Variants in SGCD observed in about 807,000 individuals in gnomAD.
SGCD encodes sarcoglycan delta.
In SGCD, 18 loss-of-function variants were observed where a neutral mutation model predicts 36.6. That is an observed-to-expected ratio of 0.49 (90% CI 0.34 to 0.73). The LOEUF (loss-of-function observed/expected upper bound fraction) is 0.73, where lower values mean the gene tolerates loss of function less well. Among genes scored for constraint, SGCD ranks in the 30% least tolerant of loss-of-function variants. The pLI is 0.01. For synonymous variants in SGCD, 133 were observed against 130.6 expected (o/e 1.02, Z -0.12); for missense variants, 387 against 346.7 (o/e 1.12, Z -0.92).
chr5:155,753,249 A>G, the SGCD span, among the ~76,000 whole-genome samples: 1 of 151,918 alleles, frequency 6.6e-6, no homozygotes, highest in African/African-American at 2.4e-5. Context: ...AGGCAGGAGA[A>G]TCACTTGAAC....
rs190666808 is a variant in SGCD, at chr5:156,610,843, G to T, written c.502+15792G>T. The stretch of plus-strand genomic sequence containing the variant: ...TGTGGGCGTAGGACCCTCCAGGCCA[G>T]GCGCAGGATATAATCTCCTGGTGTG... On this transcript the variant is annotated intron_variant, in intron 6 of 8. Coordinates refer to ENST00000337851, the MANE Select transcript of SGCD (RefSeq NM_000337.6). Among the ~76,000 whole-genome samples, 451 of 152,374 alleles carry T rather than the reference G, an allele frequency of 3.0e-3. 3 individuals are homozygous for T. Among genetic ancestry groups the T allele is most frequent in the African/African-American group, 9.7e-3 (404 of 41,586 alleles).
At chr5:155,972,656 C>A (rs1286849033) in intron 1 of SGCD, among the ~76,000 whole-genome samples, 1 of 152,124 alleles carries the variant, frequency 6.6e-6, no homozygotes, top group Non-Finnish European at 1.5e-5. Flanking sequence ...CAATTAAAAT[C>A]TTACAAAAAT....
chr5:155,733,468 G>C, the SGCD span, among the ~76,000 whole-genome samples: 2 of 151,970 alleles, frequency 1.3e-5, no homozygotes, highest in African/African-American at 2.4e-5. Flanking sequence ...TGAATATTTT[G>C]CTTTTAACCC....
rs774197410 is a variant in SGCD, at chr5:156,765,874, A to G, written c.*6484A>G. The stretch of plus-strand genomic sequence containing the variant: ...GATCTTCCTTGGTAGATGAAGCTAT[A>G]GAACTTCTATTTTCCCTGCTTTCTG... On this transcript the variant is annotated 3_prime_UTR_variant, in exon 9 of 9. Coordinates refer to ENST00000337851, the MANE Select transcript of SGCD (RefSeq NM_000337.6). 6.6e-6 allele frequency: 1 copy of G among 152,222 alleles called. No homozygotes were observed. The highest frequency in any genetic ancestry group is 2.4e-5 in the African/African-American group (1 of 41,456). 9.4% of individuals were successfully genotyped at this position (152,222 alleles called of 1,614,324 possible).
At chr5:156,443,135 C>G (rs766264710) in intron 3 of SGCD, among the ~76,000 whole-genome samples, 1 of 152,050 alleles carries the variant, frequency 6.6e-6, no homozygotes, top group Non-Finnish European at 1.5e-5. Flanking sequence ...GAGGCACGCA[C>G]CATCATGCCC....
intron 3 of SGCD, among the ~76,000 whole-genome samples, chr5:156,478,182 A>G (rs1261751079): frequency 6.6e-6 from 1 of 152,042 alleles, no homozygotes; most frequent in Non-Finnish European, 1.5e-5. Context: ...AAATTTCTTT[A>G]TTTTCATTAC....
At chr5:155,836,265 G>A in the SGCD span, among the ~76,000 whole-genome samples, 6 of 152,244 alleles carry the variant, frequency 3.9e-5, no homozygotes, top group East Asian at 1.2e-3. Flanking sequence ...TTCCAGATGT[G>A]GAGCCCTCCC....
At chr5:155,937,099 C>G (rs984466609) in intron 1 of SGCD, among the ~76,000 whole-genome samples, 5 of 152,160 alleles carry the variant, frequency 3.3e-5, no homozygotes, top group Admixed American at 2.0e-4. Flanking sequence ...GCAGAGATAC[C>G]CAGGTCTGCA....
At chr5:156,244,959 C>T (rs1470625503) in intron 3 of SGCD, among the ~76,000 whole-genome samples, 2 of 152,138 alleles carry the variant, frequency 1.3e-5, no homozygotes, top group East Asian at 1.9e-4. Flanking sequence ...CATTGGTAAA[C>T]ATTTTCAGTG....
intron 3 of SGCD, among the ~76,000 whole-genome samples, chr5:156,420,749 CA>C (rs1234701716): frequency 6.6e-5 from 10 of 152,242 alleles, no homozygotes; most frequent in African/African-American, 2.4e-4. Flanking sequence ...CTGCAAGCTA[CA>C]GCTACTATTC....
At chr5:156,187,486 G>T (rs568525979) in intron 3 of SGCD, among the ~76,000 whole-genome samples, 70 of 141,100 alleles carry the variant, frequency 5.0e-4, no homozygotes, top group Non-Finnish European at 9.3e-4. Flanking sequence ...CCCTCTAGAG[G>T]CTTCTGGATT....
intron 3 of SGCD, among the ~76,000 whole-genome samples, chr5:156,467,798 A>C (rs900385467): frequency 1.3e-5 from 2 of 152,206 alleles, no homozygotes; most frequent in African/African-American, 4.8e-5. Context: ...TATATTAAAG[A>C]TATGTATTTA....
intron 3 of SGCD, among the ~76,000 whole-genome samples, chr5:156,361,125 T>C (rs1486101447): frequency 6.6e-6 from 1 of 152,204 alleles, no homozygotes; most frequent in Non-Finnish European, 1.5e-5. Context: ...AGCTTGCTCC[T>C]GCTGGAGCCT....
chr5:155,873,403 TAAGTG>T (rs1294193793), intron 1 of SGCD, among the ~76,000 whole-genome samples: 1 of 152,196 alleles, frequency 6.6e-6, no homozygotes, highest in Non-Finnish European at 1.5e-5. Context: ...CTCATTATCT[TAAGTG>T]AAGTAACTCA....
At chr5:156,596,395 A>G (rs1760927230) in intron 6 of SGCD, among the ~76,000 whole-genome samples, 1 of 152,144 alleles carries the variant, frequency 6.6e-6, no homozygotes, top group Non-Finnish European at 1.5e-5. Context: ...TAAAATTGGT[A>G]TAATAGAAGT....
At chr5:155,931,615 T>C (rs759323327) in intron 1 of SGCD, among the ~76,000 whole-genome samples, 1 of 152,222 alleles carries the variant, frequency 6.6e-6, no homozygotes, top group Non-Finnish European at 1.5e-5. Context: ...ATCCCACTAA[T>C]ACATTTTCTT....
chr5:156,735,093 C>T (rs565184088), intron 7 of SGCD, among the ~76,000 whole-genome samples: 1 of 152,160 alleles, frequency 6.6e-6, no homozygotes, highest in Admixed American at 6.5e-5. Flanking sequence ...CCACTCCAGT[C>T]CCTAATCACC....
the SGCD span, among the ~76,000 whole-genome samples, chr5:155,831,161 G>A: frequency 3.9e-5 from 6 of 152,102 alleles, no homozygotes; most frequent in African/African-American, 1.4e-4. Context: ...CTCTGATTCC[G>A]CAACCTGCAT....
At chr5:156,159,649 A>G (rs1763044274) in intron 3 of SGCD, among the ~76,000 whole-genome samples, 1 of 151,692 alleles carries the variant, frequency 6.6e-6, no homozygotes, top group South Asian at 2.1e-4. Flanking sequence ...TAAACATTGG[A>G]TAAATAAAAT....
Sources: gnomAD v4.1 joint callset for allele counts (sites outside exome capture counted in the v4.1 genomes callset) on GRCh38, gnomAD v4.1.1 for gene constraint, MANE v1.5 for transcripts, NCBI Gene and HGNC (gene_info 2026-07-23, HGNC 2026-07-21) for gene names.